The following SLC41A3 variants were observed in gnomAD, a reference collection of about 807,000 sequenced individuals.
The protein encoded by SLC41A3 is SLC41A1-like 2.
Under a neutral mutation model 45.4 loss-of-function variants are expected in SLC41A3, and 44 were observed. The observed-to-expected ratio is 0.97, with a 90% CI of 0.76 to 1.25. The LOEUF (loss-of-function observed/expected upper bound fraction) is 1.25. SLC41A3 is among the 50% of genes most tolerant of loss of function. SLC41A3 has a pLI of 0.00. For synonymous variants in SLC41A3, 256 were observed against 252.4 expected, an observed-to-expected ratio of 1.01 and a Z score of -0.13; for missense variants, 550 against 600.6, an observed-to-expected ratio of 0.92 and a Z score of 0.88.
chr3:126,094,069 T>C (rs1945546423), intron 1 of SLC41A3, among the ~76,000 whole-genome samples: 1 of 152,232 alleles, frequency 6.6e-6, no homozygotes, highest in Admixed American at 6.5e-5. Flanking sequence ...CAATTATAAC[T>C]TCTGTACCTA....
chr3:126,051,568 T>C (rs1388066884), intron 2 of SLC41A3, among the ~76,000 whole-genome samples: 1 of 152,172 alleles, frequency 6.6e-6, no homozygotes, highest in Non-Finnish European at 1.5e-5. Flanking sequence ...TAAAAACAGA[T>C]AGAATATGCC....
chr3:126,020,996 G>A (rs978381054), intron 6 of SLC41A3, among the ~76,000 whole-genome samples: 16 of 151,718 alleles, frequency 1.1e-4, no homozygotes, highest in Admixed American at 2.6e-4. Flanking sequence ...CCAGGTTCAC[G>A]CCATTCTCCT....
chr3:126,067,088 G>C, intron 2 of SLC41A3, among the ~76,000 whole-genome samples: 1 of 128,374 alleles, frequency 7.8e-6, no homozygotes, highest in African/African-American at 3.0e-5. Flanking sequence ...TCTGTGGGTT[G>C]GACCGCCCCC....
intron 3 of SLC41A3, among the ~76,000 whole-genome samples, chr3:126,041,657 T>C (rs1314727595): frequency 2.0e-5 from 3 of 152,226 alleles, no homozygotes; most frequent in Non-Finnish European, 4.4e-5. Context: ...ACTCCAAATG[T>C]CCAAAGTTTA....
At chr3:126,093,387 G>A (rs1945528295) in intron 1 of SLC41A3, among the ~76,000 whole-genome samples, 1 of 152,188 alleles carries the variant, frequency 6.6e-6, no homozygotes, top group Non-Finnish European at 1.5e-5. Context: ...CCTGTCCTGG[G>A]CCCCATTCCA....
In SLC41A3 at chr3:126,044,915, A is replaced by G. The variant is rs1371034411; in HGVS notation, c.381+6028T>C. ...CATCTCAAAAAAAAAAAAAAAAAAAAAAAAAAAAATCATACAGAGTATATT... is the reference window on the plus strand; with the variant it reads ...CATCTCAAAAAAAAAAAAAAAAAAAGAAAAAAAAATCATACAGAGTATATT... On this transcript the variant is annotated intron_variant, in intron 3 of 10. Transcript: ENST00000360370. Among the ~76,000 whole-genome samples, 772 of 133,790 alleles carry G rather than the reference A, an allele frequency of 5.8e-3. 17 individuals carry two copies. Among genetic ancestry groups the G allele is most frequent in the African/African-American group, 0.019 (734 of 39,294 alleles). 87.8% of individuals were successfully genotyped at this position (133,790 alleles called of 152,430 possible). A position where few individuals can be genotyped will look rare whatever the true frequency, so the allele number is the denominator to read the frequency against.
At chr3:126,017,217 C>T (rs1940389477) in intron 6 of SLC41A3, among the ~76,000 whole-genome samples, 2 of 152,268 alleles carry the variant, frequency 1.3e-5, no homozygotes, top group Non-Finnish European at 2.9e-5. Context: ...CAGCACTATG[C>T]TCAGTACTTC....
At chr3:126,093,172 A>C (rs964154227) in intron 1 of SLC41A3, among the ~76,000 whole-genome samples, 12 of 152,214 alleles carry the variant, frequency 7.9e-5, no homozygotes, top group Non-Finnish European at 1.3e-4. Flanking sequence ...TTTCCTTTTA[A>C]ATTACTCAAA....
At chr3:126,029,783 C>T (rs1027394152) in intron 4 of SLC41A3, among the ~76,000 whole-genome samples, 2 of 152,082 alleles carry the variant, frequency 1.3e-5, no homozygotes, top group Non-Finnish European at 2.9e-5. Context: ...TACTCATGAT[C>T]AAAGTGTATT....
At chr3:126,100,369 C>T (rs1004355923) in intron 1 of SLC41A3, among the ~76,000 whole-genome samples, 1 of 152,214 alleles carries the variant, frequency 6.6e-6, no homozygotes, top group African/African-American at 2.4e-5. Context: ...GCAAAGCTCT[C>T]TCTGGAAAGA....
At chr3:126,091,553 AG>A (rs1384888075) in intron 1 of SLC41A3, among the ~76,000 whole-genome samples, 8 of 152,194 alleles carry the variant, frequency 5.3e-5, no homozygotes, top group Non-Finnish European at 1.2e-4. Flanking sequence ...AGGTTGAAAT[AG>A]GGGTTGTGGA....
intron 3 of SLC41A3, among the ~76,000 whole-genome samples, chr3:126,037,573 T>C (rs1942293024): frequency 6.6e-6 from 1 of 152,138 alleles, no homozygotes; most frequent in African/African-American, 2.4e-5. Flanking sequence ...TGTCTTAGGG[T>C]ATCAGGCAGG....
At chr3:126,023,190 C>T in intron 5 of SLC41A3, 1 of 446,780 alleles carries the variant, frequency 2.2e-6, no homozygotes. Flanking sequence ...GCACATGATG[C>T]TAAGGAGTGA....
intron 2 of SLC41A3, among the ~76,000 whole-genome samples, chr3:126,055,543 T>C (rs1305708812): frequency 6.6e-6 from 1 of 152,180 alleles, no homozygotes; most frequent in Non-Finnish European, 1.5e-5. Flanking sequence ...CTGCATACTA[T>C]AAACCATATA....
At position 126,026,415 on chromosome 3, in the gene SLC41A3, C is replaced by T. The variant is rs772616645; in HGVS notation, c.518G>A (p.Arg173Gln). The T allele has an allele frequency of 1.1e-5, 17 of 1,595,966 alleles. No individual in the cohort carries two copies. Among genetic ancestry groups the T allele is most frequent in the African/African-American group, 2.7e-5 (2 of 74,612 alleles). The stretch of plus-strand genomic sequence containing the variant: ...CACCTTGGCGACATCCACTTCCTCT[C>T]GAGACACCACGCCCAACAGCAGCGC... ...VAALLLGVVS[R>Q]EEVDVAKVEL... is the part of the protein sequence containing the mutation. Residue 173 changes from arginine (R) to glutamine (Q), a missense_variant, in exon 5 of 11, where the codon CGA (arginine) becomes CAA (glutamine). By Grantham distance (43) the Arg-to-Gln change is conservative (BLOSUM62 1). Coordinates refer to ENST00000360370, the MANE Select transcript of SLC41A3 (RefSeq NM_017836.4). This position sits in a 1 kb window ranked among gnomAD's most constrained non-coding sequence, Gnocchi z 4.2.
intron 2 of SLC41A3, among the ~76,000 whole-genome samples, chr3:126,065,670 T>C (rs1041482602): frequency 1.3e-5 from 2 of 152,172 alleles, no homozygotes; most frequent in Non-Finnish European, 2.9e-5. Context: ...AAGGAAGGCA[T>C]AGGCTCAGAG....
At chr3:126,043,253 G>A (rs955630729) in intron 3 of SLC41A3, among the ~76,000 whole-genome samples, 5 of 152,044 alleles carry the variant, frequency 3.3e-5, no homozygotes, top group African/African-American at 1.2e-4. Flanking sequence ...TATATTTACA[G>A]TGCTGGATAA....
chr3:126,006,553 C>T lies in SLC41A3; in HGVS notation c.*463G>A, dbSNP rs144673111. ...CTTGGCACAGCAGCAGTGTGGCCCA[C>T]GGAGCTTGAACCTGGTGAAGACAGC... On this transcript the variant is annotated 3_prime_UTR_variant, in exon 11 of 11. Transcript: ENST00000360370. The T allele has an allele frequency of 7.5e-6, 12 of 1,603,098 alleles. No individual in the cohort carries two copies. The highest frequency in any genetic ancestry group is 8.5e-6 in the Non-Finnish European group (10 of 1,177,618).
chr3:126,055,493 G>A lies in SLC41A3; in HGVS notation c.274-4443C>T, dbSNP rs572337909. Reference sequence around the variant, plus strand: ...CACGCCATTGCATTCCAGCCTGGGCGACAGGGCAAGACTCTGTCTCAAAAA... The same window carrying A: ...CACGCCATTGCATTCCAGCCTGGGCAACAGGGCAAGACTCTGTCTCAAAAA... On this transcript the variant is annotated intron_variant, in intron 2 of 10. Coordinates refer to ENST00000360370, the MANE Select transcript of SLC41A3 (RefSeq NM_017836.4). Among the ~76,000 whole-genome samples, 24 of 152,220 alleles carry A rather than the reference G, an allele frequency of 1.6e-4. No homozygotes were observed. The East Asian group carries it at 4.4e-3, about 28-fold the overall frequency.
Sources: gnomAD v4.1 joint callset for allele counts (sites outside exome capture counted in the v4.1 genomes callset) on GRCh38, gnomAD v4.1.1 for gene constraint, Gnocchi (gnomAD v3.1) non-coding constraint, MANE v1.5 for transcripts, NCBI Gene and HGNC (gene_info 2026-07-23, HGNC 2026-07-21) for gene names.